C21orf91: variants seen among roughly 807,000 people sequenced by gnomAD.
The protein encoded by C21orf91 is chromosome 21 open reading frame 91, also known as protein EURL homolog.
C21orf91 carries 26 observed loss-of-function variants against 32.9 expected under a neutral mutation model. That is an observed-to-expected ratio of 0.79 (90% CI 0.58 to 1.10). The LOEUF (loss-of-function observed/expected upper bound fraction) is 1.10, where lower values mean the gene tolerates loss of function less well. Among genes scored for constraint, C21orf91 ranks in the 50% least tolerant of loss-of-function variants. C21orf91 has a pLI of 0.00. For synonymous variants in C21orf91, 126 were observed against 120.4 expected (o/e 1.05, Z -0.31); for missense variants, 310 against 341.3 (o/e 0.91, Z 0.72).
At chr21:17,803,991 C>A (rs1045457528) in intron 2 of C21orf91, among the ~76,000 whole-genome samples, 1 of 152,112 alleles carries the variant, frequency 6.6e-6, no homozygotes, top group South Asian at 2.1e-4. Context: ...CCAAATAGTT[C>A]TTATTATTTC....
At chr21:17,815,222 T>C (rs1253774280) in intron 2 of C21orf91, among the ~76,000 whole-genome samples, 2 of 152,158 alleles carry the variant, frequency 1.3e-5, no homozygotes, top group African/African-American at 4.8e-5. Context: ...ATATTATTAT[T>C]GTTTACTACA....
chr21:17,799,872 C>G (rs912754763), intron 2 of C21orf91, among the ~76,000 whole-genome samples: 7 of 151,890 alleles, frequency 4.6e-5, no homozygotes, highest in Admixed American at 3.9e-4. Context: ...TTTAAAACAC[C>G]AAAAACAAAT....
rs534881064 is a variant in C21orf91, at chr21:17,792,645, G to T, written c.*770C>A. ...GCAAGAGGAGGCTTTCATTTCTATGGAGACAAATTGACATAGAAGCCAGAT... is the reference window on the plus strand; with the variant it reads ...GCAAGAGGAGGCTTTCATTTCTATGTAGACAAATTGACATAGAAGCCAGAT... On this transcript the variant is annotated 3_prime_UTR_variant, in exon 5 of 5. Transcript: ENST00000284881. 6.6e-6 allele frequency: 1 copy of T among 152,232 alleles called. No homozygotes were observed. The highest frequency in any genetic ancestry group is 1.9e-4 in the East Asian group (1 of 5,182). The allele number at this position is 152,232 out of a possible 1,614,324, so 9.4% of individuals were successfully genotyped here. A position where few individuals can be genotyped will look rare whatever the true frequency, so the allele number is the denominator to read the frequency against.
In C21orf91 at chr21:17,796,715, A is replaced by T; in HGVS notation, c.531T>A (p.Asp177Glu). 6.2e-7 allele frequency: 1 copy of T among 1,614,144 alleles called. No individual in the cohort carries two copies. The highest frequency in any genetic ancestry group is 8.5e-7 in the Non-Finnish European group (1 of 1,180,006). ...NTDFGLSMLQ[D>E]SGATLCRNSV... ...TGTTACGACATAAAGTGGCACCTGAATCTTGTAACATAGAAAGTCCAAAGT... is the reference window on the plus strand; with the variant it reads ...TGTTACGACATAAAGTGGCACCTGATTCTTGTAACATAGAAAGTCCAAAGT... Residue 177 changes from aspartate to glutamate, a missense_variant, in exon 3 of 5, where the codon GAT (aspartate) becomes GAA (glutamate). Coordinates refer to ENST00000284881, the MANE Select transcript of C21orf91 (RefSeq NM_001100420.2).
intron 2 of C21orf91, among the ~76,000 whole-genome samples, chr21:17,816,479 T>A (rs1170164303): frequency 6.6e-6 from 1 of 152,188 alleles, no homozygotes; most frequent in African/African-American, 2.4e-5. Context: ...CAATTAGGAT[T>A]AGAACATCAG....
rs939271600 is a variant in C21orf91, at chr21:17,789,662, T to C, written c.*3753A>G. 2 of 152,104 alleles carry C rather than the reference T, an allele frequency of 1.3e-5. No individual in the cohort carries two copies. The highest frequency in any genetic ancestry group is 2.4e-5 in the African/African-American group (1 of 41,426). The allele number at this position is 152,104 out of a possible 1,614,324, so 9.4% of individuals were successfully genotyped here. On this transcript the variant is annotated 3_prime_UTR_variant, in exon 5 of 5. Coordinates refer to ENST00000284881, the MANE Select transcript of C21orf91 (RefSeq NM_001100420.2). The stretch of plus-strand genomic sequence containing the variant: ...ATATCAATGTTACCATAGCCAGAAG[T>C]TGCTTAATAGGTTAGACTGCACCAT...
chr21:17,818,721 G>C (rs907647556), intron 1 of C21orf91: 21 of 159,822 alleles, frequency 1.3e-4, no homozygotes, highest in Non-Finnish European at 2.3e-4. Flanking sequence ...GTGAGAAACA[G>C]GAAAAACGAC....
rs568157137 is a variant in C21orf91, at chr21:17,792,307, T to C, written c.*1108A>G. 1 of 152,244 alleles carries C rather than the reference T, an allele frequency of 6.6e-6. No homozygotes were observed. The highest frequency in any genetic ancestry group is 2.1e-4 in the South Asian group (1 of 4,832). 9.4% of individuals were successfully genotyped at this position (152,244 alleles called of 1,614,324 possible). ...GTTTATTTTTTTTTAATTAGGAGTT[T>C]TGCTTTTCTTCTGTAGAACAATCCT... On this transcript the variant is annotated 3_prime_UTR_variant, in exon 5 of 5. Transcript: ENST00000284881.
At chr21:17,812,014 C>A (rs1407770506) in intron 2 of C21orf91, among the ~76,000 whole-genome samples, 1 of 152,018 alleles carries the variant, frequency 6.6e-6, no homozygotes, top group East Asian at 1.9e-4. Context: ...GCACCCTAGA[C>A]ACCCTAATAA....
intron 4 of C21orf91, 148 bp downstream of exon 4, chr21:17,795,060 T>C (rs1896804821): frequency 3.0e-6 from 2 of 663,398 alleles, no homozygotes; most frequent in Admixed American, 2.6e-5. Flanking sequence ...GTTGTTTCTT[T>C]CTTATTCTTT....
rs924843611 is a variant in C21orf91, at chr21:17,790,802, C to A, written c.*2613G>T. The A allele has an allele frequency of 6.6e-6, 1 of 152,038 alleles. No homozygotes were observed. Among genetic ancestry groups the A allele is most frequent in the African/African-American group, 2.4e-5 (1 of 41,444 alleles). The allele number at this position is 152,038 out of a possible 1,614,324, so 9.4% of individuals were successfully genotyped here. A position where few individuals can be genotyped will look rare whatever the true frequency, so the allele number is the denominator to read the frequency against. On this transcript the variant is annotated 3_prime_UTR_variant, in exon 5 of 5. Coordinates refer to ENST00000284881, the MANE Select transcript of C21orf91 (RefSeq NM_001100420.2). Reference sequence around the variant, plus strand: ...TAAGGCTGAACTTTAAAGAGAACAACCTGTGTGGTCAAAAACACTTTTCTA... The same window carrying A: ...TAAGGCTGAACTTTAAAGAGAACAAACTGTGTGGTCAAAAACACTTTTCTA...
At chr21:17,808,096 C>T (rs1376774747) in intron 2 of C21orf91, among the ~76,000 whole-genome samples, 2 of 152,224 alleles carry the variant, frequency 1.3e-5, no homozygotes, top group African/African-American at 2.4e-5. Context: ...CTTCCCATCA[C>T]AGGCCCAGAG....
At chr21:17,807,910 G>A (rs965766597) in intron 2 of C21orf91, among the ~76,000 whole-genome samples, 2 of 152,300 alleles carry the variant, frequency 1.3e-5, no homozygotes, top group South Asian at 2.1e-4. Flanking sequence ...TCTGAAACTG[G>A]AACTTATATT....
In C21orf91 at chr21:17,818,220, G is replaced by A; in HGVS notation, c.99C>T (p.Cys33=). ...CAATATTTAGCTCAAAACAAATGTG[G>A]CAGAAGGAGAGTGTTTCTTTGTCTG... ...LGTDKETLSF[C]HICFELNIEG... Residue 33 remains cysteine, a synonymous_variant, in exon 2 of 5, where the codon TGC becomes TGT. Coordinates refer to ENST00000284881, the MANE Select transcript of C21orf91 (RefSeq NM_001100420.2). 1 of 1,609,916 alleles carries A rather than the reference G, an allele frequency of 6.2e-7. No individual in the cohort carries two copies. Among genetic ancestry groups the A allele is most frequent in the Non-Finnish European group, 8.5e-7 (1 of 1,176,288 alleles).
rs2062519908 is a variant in C21orf91, at chr21:17,796,631, A to G, written c.615T>C (p.Ser205=). ...QAQKKEETIS[S]PEANVQTQHP... is the part of the protein sequence containing the mutation. ...GCTGGGTCTGGACATTAGCCTCTGG[A>G]CTAGAGATTGTCTCTTCTTTTTTCT... The change falls in exon 3 of 5, where the codon AGT becomes AGC. Residue 205 remains serine (S), a synonymous_variant. Coordinates refer to ENST00000284881, the MANE Select transcript of C21orf91 (RefSeq NM_001100420.2). 6.2e-7 allele frequency: 1 copy of G among 1,614,064 alleles called. No homozygotes were observed. The highest frequency in any genetic ancestry group is 1.7e-4 in the Middle Eastern group (1 of 6,060).
intron 2 of C21orf91, among the ~76,000 whole-genome samples, chr21:17,802,141 T>C (rs538796283): frequency 9.3e-4 from 142 of 152,328 alleles, no homozygotes; most frequent in African/African-American, 3.3e-3. Context: ...AATGTTTAGA[T>C]GTTTAGCTCT....
intron 2 of C21orf91, among the ~76,000 whole-genome samples, chr21:17,806,866 C>A (rs2062598498): frequency 6.6e-6 from 1 of 151,322 alleles, no homozygotes; most frequent in Admixed American, 6.6e-5. Flanking sequence ...CCTGGGCACT[C>A]CATCCAAAAA....
chr21:17,793,946 A>G (rs1034906188), intron 4 of C21orf91, among the ~76,000 whole-genome samples: 1 of 152,212 alleles, frequency 6.6e-6, no homozygotes, highest in African/African-American at 2.4e-5. Flanking sequence ...TCAGGTCTGG[A>G]ACCCCCTCTA....
intron 2 of C21orf91, among the ~76,000 whole-genome samples, chr21:17,817,156 T>C (rs1338701494): frequency 6.6e-6 from 1 of 152,180 alleles, no homozygotes; most frequent in East Asian, 1.9e-4. Context: ...ACTACATTTA[T>C]TAAAGCTGAA....
Sources: allele counts gnomAD v4.1 joint callset (sites outside exome capture counted in the v4.1 genomes callset), GRCh38; gene constraint gnomAD v4.1.1; transcripts MANE v1.5; gene names NCBI Gene and HGNC (gene_info 2026-07-23, HGNC 2026-07-21).